Variants in ATXN3 observed in about 807,000 individuals in gnomAD.
The protein encoded by ATXN3 is ataxin 3, also known as ataxin-3.
ATXN3 carries 28 observed loss-of-function variants against 58.2 expected under a neutral mutation model. That is an observed-to-expected ratio of 0.48 (90% CI 0.36 to 0.66). ATXN3 has a LOEUF of 0.66. Ranked by LOEUF, ATXN3 falls within the 30% of genes least tolerant of loss-of-function variation. The probability of loss-of-function intolerance (pLI) is 0.00; values close to 1 mark genes in which losing one functional copy is unlikely to be tolerated. For missense variants in ATXN3, 321 were observed against 422.1 expected (o/e 0.76, Z 2.10); for synonymous variants, 113 against 138.5 (o/e 0.82, Z 1.29).
At chr14:92,095,014 A>G (rs998704608) in intron 3 of ATXN3, among the ~76,000 whole-genome samples, 1 of 152,166 alleles carries the variant, frequency 6.6e-6, no homozygotes, top group Non-Finnish European at 1.5e-5. Flanking sequence ...ACAGTGTTAG[A>G]AAAAGAATGA....
At chr14:92,050,860 G>A (rs1006240457), upstream of ATXN3, among the ~76,000 whole-genome samples, 8 of 152,232 alleles carry the variant, frequency 5.3e-5, no homozygotes, top group South Asian at 4.1e-4. Context: ...GTGAGCCATC[G>A]GCCTTGGCCT....
At chr14:92,090,899 C>T (rs866231874) in intron 5 of ATXN3, among the ~76,000 whole-genome samples, 1 of 150,982 alleles carries the variant, frequency 6.6e-6, no homozygotes, top group African/African-American at 2.4e-5. Context: ...CTGGTTTTTA[C>T]CTAGAGGTGA....
chr14:92,078,296 T>C (rs2060800245), intron 9 of ATXN3, among the ~76,000 whole-genome samples: 1 of 152,034 alleles, frequency 6.6e-6, no homozygotes. Context: ...TTTTGATATT[T>C]CTTAAAATAA....
downstream of ATXN3, among the ~76,000 whole-genome samples, chr14:92,057,602 G>C (rs557908635): frequency 6.6e-6 from 1 of 152,166 alleles, no homozygotes; most frequent in African/African-American, 2.4e-5. Flanking sequence ...TTGGGGTCTG[G>C]ATCGGGCCCC....
chr14:92,056,374 T>C (rs150467729), downstream of ATXN3, among the ~76,000 whole-genome samples: 9 of 152,338 alleles, frequency 5.9e-5, no homozygotes, highest in African/African-American at 1.7e-4. Flanking sequence ...CTGGTTTTCT[T>C]TGATGGATAA....
At chr14:92,055,903 G>C (rs1046019711), downstream of ATXN3, among the ~76,000 whole-genome samples, 1 of 152,214 alleles carries the variant, frequency 6.6e-6, no homozygotes, top group East Asian at 1.9e-4. The surrounding 1 kb of genome is among the most constrained non-coding windows in gnomAD (Gnocchi z 4.5). Context: ...AGAGGTTGCC[G>C]TGAGCCAAGA....
rs1490794389 is a variant in ATXN3 at position 92,059,969 on chromosome 14, C to T, written c.*4351G>A. 3 of 150,238 alleles carry T rather than the reference C, an allele frequency of 2.0e-5. No homozygotes were observed. Among genetic ancestry groups the T allele is most frequent in the Admixed American group, 6.7e-5 (1 of 14,956 alleles). The allele number at this position is 150,238 out of a possible 1,614,324, so 9.3% of individuals were successfully genotyped here. On this transcript the variant is annotated 3_prime_UTR_variant, in exon 11 of 11. Coordinates refer to ENST00000644486, the MANE Select transcript of ATXN3 (RefSeq NM_004993.6). ...AGAGTGCAATGGCACGATCTCAGCTCACTGCAACCTCCACCTCCTGGGTTT... is the reference window on the plus strand; with the variant it reads ...AGAGTGCAATGGCACGATCTCAGCTTACTGCAACCTCCACCTCCTGGGTTT...
intron 10 of ATXN3, 116 bp downstream of exon 10, chr14:92,070,819 T>G (rs3092822): frequency 0.26 from 409,422 of 1,575,438 alleles, 55,995 homozygotes; most frequent in East Asian, 0.46. Context: ...TTACTTAAGA[T>G]TCTTAATATG....
rs760915098 is a variant in ATXN3, at chr14:92,081,033, C to T, written c.804G>A (p.Met268Ile). 12 of 1,611,496 alleles carry T rather than the reference C, an allele frequency of 7.4e-6. No individual in the cohort carries two copies. The Admixed American group carries it at 1.8e-4, about 25-fold the overall frequency. The change falls in exon 9 of 11, where the codon ATG becomes ATA. Residue 268 changes from methionine to isoleucine, a missense_variant. Around this residue, in one of 2 missense-constraint regions of ATXN3, gnomAD observed 200 missense variants for 223.2 expected, o/e 0.90. Coordinates refer to ENST00000644486, the MANE Select transcript of ATXN3 (RefSeq NM_004993.6). ...TAAGATTTGTACCTGATGTCTGTGT[C>T]ATATCTTGAGATATGTTTCTGGAAC... ...QGSSRNISQD[M>I]TQTSGTNLTS... is the part of the protein sequence containing the mutation.
intron 9 of ATXN3, among the ~76,000 whole-genome samples, chr14:92,075,467 A>C (rs2060208268): frequency 6.6e-6 from 1 of 152,106 alleles, no homozygotes; most frequent in Non-Finnish European, 1.5e-5. Context: ...GCGCCCAGCC[A>C]AAACTAGTTT....
downstream of ATXN3, among the ~76,000 whole-genome samples, chr14:92,055,503 C>T (rs550896143): frequency 1.3e-5 from 2 of 152,290 alleles, no homozygotes; most frequent in South Asian, 4.1e-4. This position sits in a 1 kb window ranked among gnomAD's most constrained non-coding sequence, Gnocchi z 4.5. Flanking sequence ...ACTCGTTAAA[C>T]AACTCCTAAT....
chr14:92,102,225 AGAAG>A (rs71123316), intron 1 of ATXN3, among the ~76,000 whole-genome samples: 5,794 of 151,084 alleles, frequency 0.038, 146 homozygotes, highest in South Asian at 0.1. Context: ...AAGAAAAGAA[AGAAG>A]GAAGGAAGGA....
Position 92,096,686 on chromosome 14 carries a change from G to T in ATXN3, c.177C>A (p.Arg59=), listed in dbSNP as rs779188574. The T allele has an allele frequency of 1.4e-5, 22 of 1,611,132 alleles. No homozygotes were observed. Among genetic ancestry groups the T allele is most frequent in the Non-Finnish European group, 1.7e-5 (20 of 1,179,266 alleles). The part of the protein sequence containing the change: ...AEGGVTSEDY[R]TFLQQPSGNM... ...TTAAAATCAGTACCTGTAAAAACGT[G>T]CGATAATCTTCACTAGTAACTCCTC... The change falls in exon 2 of 11, where the codon CGC becomes CGA. Residue 59 remains arginine (R), a synonymous_variant. Transcript: ENST00000644486.
chr14:92,093,881 A>G, intron 3 of ATXN3, 50 bp from the exon 4 acceptor site: 1 of 1,126,226 alleles, frequency 8.9e-7, no homozygotes, highest in Non-Finnish European at 1.4e-6. Context: ...TCCATTCCAA[A>G]TTTAGGAAGT....
intron 10 of ATXN3, among the ~76,000 whole-genome samples, chr14:92,067,396 G>A (rs1431018137): frequency 1.3e-5 from 2 of 151,950 alleles, no homozygotes; most frequent in Non-Finnish European, 2.9e-5. Context: ...ATCTCCTTCT[G>A]GGAATCCTGA....
chr14:92,054,675 C>T (rs1271511024), downstream of ATXN3, among the ~76,000 whole-genome samples: 3 of 152,136 alleles, frequency 2.0e-5, no homozygotes, highest in Admixed American at 6.5e-5. Flanking sequence ...CTTGCTTTCA[C>T]TTTGCACTGT....
At chr14:92,065,404 A>G (rs554124396) in intron 10 of ATXN3, among the ~76,000 whole-genome samples, 2 of 152,360 alleles carry the variant, frequency 1.3e-5, no homozygotes, top group East Asian at 3.9e-4. Flanking sequence ...TAAAGCTGCT[A>G]TAAACATTCA....
intron 5 of ATXN3, 105 bp from the exon 6 acceptor site, chr14:92,088,922 T>G: frequency 1.5e-6 from 1 of 671,328 alleles, no homozygotes; most frequent in East Asian, 2.6e-5. Context: ...TAAGATTGTT[T>G]AAACTCTGGA....
chr14:92,105,827 C>T (rs561826679), intron 1 of ATXN3, among the ~76,000 whole-genome samples: 6 of 152,322 alleles, frequency 3.9e-5, no homozygotes, highest in South Asian at 2.1e-4. Flanking sequence ...TACCTAAAAA[C>T]AAAGCTGGCC....
Sources: allele counts gnomAD v4.1 joint callset (sites outside exome capture counted in the v4.1 genomes callset), GRCh38; gene constraint gnomAD v4.1.1; regional missense constraint gnomAD v4.1.1; non-coding constraint Gnocchi (gnomAD v3.1); transcripts MANE v1.5; gene names NCBI Gene and HGNC (gene_info 2026-07-23, HGNC 2026-07-21).